The following CTNNA3 variants were observed in gnomAD, a reference collection of about 807,000 sequenced individuals.
CTNNA3 encodes the protein catenin alpha-3.
CTNNA3 carries 76 observed loss-of-function variants against 95.7 expected under a neutral mutation model. The observed-to-expected ratio is 0.79, with a 90% CI of 0.66 to 0.96. CTNNA3 has a LOEUF of 0.96. Among genes scored for constraint, CTNNA3 ranks in the 40% least tolerant of loss-of-function variants. CTNNA3 has a pLI of 0.00. For synonymous variants in CTNNA3, 431 were observed against 374.4 expected (o/e 1.15, Z -1.74); for missense variants, 1,191 against 1,089.8 (o/e 1.09, Z -1.31).
intron 6 of CTNNA3, among the ~76,000 whole-genome samples, chr10:67,216,182 G>A (rs1294856984): frequency 6.6e-6 from 1 of 152,102 alleles, no homozygotes; most frequent in African/African-American, 2.4e-5. Context: ...AGAACATGAG[G>A]AGTATCTTCC....
intron 12 of CTNNA3, among the ~76,000 whole-genome samples, chr10:66,304,292 C>T (rs80184861): frequency 0.082 from 12,463 of 152,150 alleles, 568 homozygotes; most frequent in Admixed American, 0.12. Flanking sequence ...CTTCACTCCT[C>T]GCTGAAGTAG....
chr10:66,371,654 C>T (rs1300908870), intron 12 of CTNNA3, among the ~76,000 whole-genome samples: 1 of 152,108 alleles, frequency 6.6e-6, no homozygotes, highest in East Asian at 1.9e-4. Context: ...CGTTGATAAT[C>T]ATCCTCTCCT....
At chr10:66,299,894 AT>A (rs1056921743) in intron 12 of CTNNA3, among the ~76,000 whole-genome samples, 5 of 151,884 alleles carry the variant, frequency 3.3e-5, no homozygotes, top group South Asian at 4.2e-4. Flanking sequence ...CAATGAGGAA[AT>A]TTTTTTTCTT....
At chr10:67,328,042 C>T (rs1166405528) in intron 5 of CTNNA3, among the ~76,000 whole-genome samples, 1 of 152,152 alleles carries the variant, frequency 6.6e-6, no homozygotes, top group Non-Finnish European at 1.5e-5. Flanking sequence ...CCCACCAAGA[C>T]TCTGTCTGCA....
intron 7 of CTNNA3, among the ~76,000 whole-genome samples, chr10:66,900,029 C>G (rs900846920): frequency 3.3e-5 from 5 of 152,158 alleles, no homozygotes; most frequent in Non-Finnish European, 7.4e-5. Flanking sequence ...GCTCTGAGAA[C>G]AAACAGACGG....
intron 5 of CTNNA3, among the ~76,000 whole-genome samples, chr10:67,507,077 C>T (rs150969411): frequency 6.6e-6 from 1 of 152,164 alleles, no homozygotes; most frequent in African/African-American, 2.4e-5. Flanking sequence ...AGAAGTGATA[C>T]CACAGAAATA....
At chr10:66,698,765 G>A (rs1346161494) in intron 9 of CTNNA3, among the ~76,000 whole-genome samples, 1 of 152,110 alleles carries the variant, frequency 6.6e-6, no homozygotes, top group African/African-American at 2.4e-5. Context: ...TAGAGATAGG[G>A]CTATTACATT....
chr10:66,033,155 G>A (rs1452205430), intron 15 of CTNNA3, among the ~76,000 whole-genome samples: 2 of 130,456 alleles, frequency 1.5e-5, no homozygotes, highest in Admixed American at 1.8e-4. Flanking sequence ...TTTTTGAGAC[G>A]AGTCTCGCTC....
intron 10 of CTNNA3, among the ~76,000 whole-genome samples, chr10:66,607,064 C>T (rs971644240): frequency 1.3e-4 from 19 of 151,768 alleles, no homozygotes. Flanking sequence ...GAGAGAACAT[C>T]CAAATAAACA....
At chr10:66,703,809 C>A (rs1025020873) in intron 9 of CTNNA3, among the ~76,000 whole-genome samples, 9 of 152,122 alleles carry the variant, frequency 5.9e-5, no homozygotes, top group Admixed American at 4.6e-4. Context: ...GGCAACAGTA[C>A]CAAAACAGTG....
intron 1 of CTNNA3, among the ~76,000 whole-genome samples, chr10:67,723,026 G>A (rs571871092): frequency 1.1e-4 from 15 of 136,692 alleles, no homozygotes; most frequent in African/African-American, 3.4e-4. Context: ...TCACTCTGTC[G>A]CCCAGGTTGC....
chr10:66,224,846 G>A (rs1192340775), intron 13 of CTNNA3, among the ~76,000 whole-genome samples: 1 of 151,924 alleles, frequency 6.6e-6, no homozygotes, highest in Non-Finnish European at 1.5e-5. Flanking sequence ...AATTTAGTTT[G>A]TAACTGTGAT....
At chr10:66,447,240 G>A (rs780585184) in intron 11 of CTNNA3, among the ~76,000 whole-genome samples, 3 of 152,076 alleles carry the variant, frequency 2.0e-5, no homozygotes, top group African/African-American at 7.2e-5. Context: ...CGTGAAAATG[G>A]CCATACTGGC....
At chr10:67,114,709 G>GGTGTGTGTGTGT (rs56772381) in intron 7 of CTNNA3, among the ~76,000 whole-genome samples, 3,275 of 144,796 alleles carry the variant, frequency 0.023, 74 homozygotes, top group African/African-American at 0.048. Context: ...GGTTCTTAAA[G>GGTGTGTGTGTGT]GTGTGTGTGT....
rs116576261 is a variant in CTNNA3, at chr10:67,192,446, G to A, written c.844-11926C>T. Among the ~76,000 whole-genome samples the A allele has an allele frequency of 3.8e-3, 577 of 151,660 alleles. 5 individuals are homozygous for A. The highest frequency in any genetic ancestry group is 0.013 in the African/African-American group (531 of 41,432). Reference sequence around the variant, plus strand: ...AATCCAATTAAAAATAAGTAAAGGCGCTGAATATACATTTCTGAAAAAGAA... The same window carrying A: ...AATCCAATTAAAAATAAGTAAAGGCACTGAATATACATTTCTGAAAAAGAA... On this transcript the variant is annotated intron_variant, in intron 6 of 17. Coordinates refer to ENST00000433211, the MANE Select transcript of CTNNA3 (RefSeq NM_013266.4).
At chr10:66,113,442 G>A (rs959885530) in intron 13 of CTNNA3, among the ~76,000 whole-genome samples, 3 of 152,072 alleles carry the variant, frequency 2.0e-5, no homozygotes, top group Admixed American at 1.3e-4. Flanking sequence ...AAAATCTATG[G>A]TAAGTGACTT....
intron 11 of CTNNA3, among the ~76,000 whole-genome samples, chr10:66,445,003 A>G (rs146122697): frequency 0.2 from 30,666 of 151,732 alleles, 3,440 homozygotes; most frequent in South Asian, 0.3. Flanking sequence ...TGGAAAACAA[A>G]AAAAGGCAGG....
chr10:66,135,041 C>A (rs1288001550), intron 13 of CTNNA3, among the ~76,000 whole-genome samples: 1 of 151,950 alleles, frequency 6.6e-6, no homozygotes, highest in Non-Finnish European at 1.5e-5. Flanking sequence ...AACTAGAATT[C>A]TTAATGTAAG....
At chr10:66,662,035 C>T (rs747174916) in intron 9 of CTNNA3, among the ~76,000 whole-genome samples, 1 of 152,078 alleles carries the variant, frequency 6.6e-6, no homozygotes, top group Non-Finnish European at 1.5e-5. Flanking sequence ...TTCTGGATGC[C>T]GCAAGTGACC....
Sources: gnomAD v4.1 joint callset for allele counts (sites outside exome capture counted in the v4.1 genomes callset) on GRCh38, gnomAD v4.1.1 for gene constraint, MANE v1.5 for transcripts, NCBI Gene and HGNC (gene_info 2026-07-23, HGNC 2026-07-21) for gene names.